The following KLHDC10 variants were observed in gnomAD, a reference collection of about 807,000 sequenced individuals.
The protein encoded by KLHDC10 is kelch domain containing 10, also known as kelch domain-containing protein 10.
A neutral mutation model predicts 56.1 loss-of-function variants in KLHDC10; 24 were observed. The observed-to-expected ratio is 0.43, with a 90% CI of 0.31 to 0.60. KLHDC10 has a LOEUF of 0.60. Among genes scored for constraint, KLHDC10 ranks in the 20% least tolerant of loss-of-function variants. KLHDC10 has a pLI of 0.11. For missense variants in KLHDC10, 349 were observed against 567.0 expected, an observed-to-expected ratio of 0.62 and a Z score of 3.91; for synonymous variants, 188 against 207.1, an observed-to-expected ratio of 0.91 and a Z score of 0.79.
chr7:130,084,501 C>T (rs542698117), intron 1 of KLHDC10, among the ~76,000 whole-genome samples: 5 of 152,122 alleles, frequency 3.3e-5, no homozygotes, highest in Non-Finnish European at 5.9e-5. Context: ...AGGCTAGATG[C>T]GGTGGTTGAC....
chr7:130,101,475 GT>G, intron 2 of KLHDC10, among the ~76,000 whole-genome samples: 1 of 152,268 alleles, frequency 6.6e-6, no homozygotes, highest in African/African-American at 2.4e-5. Flanking sequence ...AGATGGAGCA[GT>G]TTTGGGGGAA....
chr7:130,107,314 A>C (rs1488931219), intron 2 of KLHDC10, among the ~76,000 whole-genome samples: 1 of 152,224 alleles, frequency 6.6e-6, no homozygotes, highest in East Asian at 1.9e-4. Context: ...TAAAGTTGGC[A>C]TTAATAACAG....
intron 2 of KLHDC10, among the ~76,000 whole-genome samples, chr7:130,102,686 T>C (rs61578611): frequency 0.028 from 4,255 of 152,040 alleles, 225 homozygotes; most frequent in African/African-American, 0.097. Flanking sequence ...GTTAGCTGGG[T>C]ATGGTGGCAG....
Position 130,120,405 on chromosome 7 carries a change from T to C in KLHDC10, c.476-344T>C, listed in dbSNP as rs187031557. Among the ~76,000 whole-genome samples the C allele has an allele frequency of 4.2e-3, 634 of 152,318 alleles. 6 individuals carry two copies. The highest frequency in any genetic ancestry group is 4.1e-3 in the Non-Finnish European group (279 of 68,030). On this transcript the variant is annotated intron_variant, in intron 3 of 9. Coordinates refer to ENST00000335420, the MANE Select transcript of KLHDC10 (RefSeq NM_014997.4). This position sits in a 1 kb window ranked among gnomAD's most constrained non-coding sequence, Gnocchi z 5.1. ...TGTAGTATAGGCTATGTATCCCTTA[T>C]CTGAAATGCTTGGGACCAGAAGTGT...
chr7:130,127,344 T>G, intron 7 of KLHDC10, 60 bp from the exon 8 acceptor site: 3 of 1,322,746 alleles, frequency 2.3e-6, no homozygotes, highest in Non-Finnish European at 3.3e-6. Context: ...CTGTGTTATA[T>G]CAGTGTGGTT....
intron 7 of KLHDC10, among the ~76,000 whole-genome samples, chr7:130,127,086 A>G (rs1275509773): frequency 1.3e-5 from 2 of 152,238 alleles, no homozygotes; most frequent in African/African-American, 4.8e-5. Context: ...CCTGGGCAAC[A>G]CAGTGAGACC....
rs1426582169 is a variant in KLHDC10, at chr7:130,130,472, C to T, written c.1120-65C>T. 1.1e-5 allele frequency: 14 copies of T among 1,293,590 alleles called. No individual in the cohort carries two copies. The highest frequency in any genetic ancestry group is 2.0e-4 in the Middle Eastern group (1 of 5,092). 80.1% of individuals were successfully genotyped at this position (1,293,590 alleles called of 1,614,324 possible). ...GATTCCATCTACTATGCTTTTTCCC[C>T]ACTGAGTCTTCAGCCTTGTATGTTT... On this transcript the variant is annotated intron_variant, in intron 9 of 9. Coordinates refer to ENST00000335420, the MANE Select transcript of KLHDC10 (RefSeq NM_014997.4). The surrounding 1 kb of genome is among the most constrained non-coding windows in gnomAD (Gnocchi z 4.2).
At chr7:130,117,730 A>AC (rs1796185924) in intron 3 of KLHDC10, 2 of 151,462 alleles carry the variant, frequency 1.3e-5, no homozygotes, top group Admixed American at 6.7e-5. Context: ...GCACGACTGT[A>AC]TTCCCAGCTA....
chr7:130,123,471 GAAAAA>G (rs11332293), intron 5 of KLHDC10, among the ~76,000 whole-genome samples: 1 of 120,296 alleles, frequency 8.3e-6, no homozygotes, highest in East Asian at 2.2e-4. Context: ...CTCCGTCTCA[GAAAAA>G]AAAAAAAAAA....
At chr7:130,086,672 G>A (rs958041992) in intron 1 of KLHDC10, among the ~76,000 whole-genome samples, 2 of 152,042 alleles carry the variant, frequency 1.3e-5, no homozygotes, top group Non-Finnish European at 2.9e-5. Context: ...AGCACATTTA[G>A]ACTTATCTCA....
intron 5 of KLHDC10, among the ~76,000 whole-genome samples, chr7:130,124,027 CAA>C: frequency 6.6e-6 from 1 of 152,152 alleles, no homozygotes. Flanking sequence ...CCCCTTTATA[CAA>C]AGTTATCACA....
At chr7:130,091,510 A>C (rs1795772413) in intron 1 of KLHDC10, among the ~76,000 whole-genome samples, 1 of 152,184 alleles carries the variant, frequency 6.6e-6, no homozygotes, top group Non-Finnish European at 1.5e-5. Context: ...TGTTTGGAGG[A>C]ATTCACCAGT....
intron 2 of KLHDC10, among the ~76,000 whole-genome samples, chr7:130,114,569 T>C (rs997321623): frequency 6.6e-6 from 1 of 152,190 alleles, no homozygotes; most frequent in Non-Finnish European, 1.5e-5. Flanking sequence ...TTATTTTTTC[T>C]TCCACACCAC....
chr7:130,123,613 A>C (rs1376943907), intron 5 of KLHDC10, among the ~76,000 whole-genome samples: 1 of 152,238 alleles, frequency 6.6e-6, no homozygotes, highest in Non-Finnish European at 1.5e-5. Context: ...CTCTTTAAAC[A>C]AAATAGCATA....
chr7:130,118,793 A>C (rs991966151), intron 3 of KLHDC10, among the ~76,000 whole-genome samples: 1 of 152,172 alleles, frequency 6.6e-6, no homozygotes, highest in Non-Finnish European at 1.5e-5. Context: ...AGGCCTGAGG[A>C]GAGGGAAAAA....
chr7:130,076,088 C>A (rs1342427511), intron 1 of KLHDC10, among the ~76,000 whole-genome samples: 3 of 152,080 alleles, frequency 2.0e-5, no homozygotes, highest in Non-Finnish European at 4.4e-5. Context: ...TGAAACTGTT[C>A]CACCTCAGGT....
intron 1 of KLHDC10, among the ~76,000 whole-genome samples, chr7:130,088,429 C>T (rs927039308): frequency 6.6e-6 from 1 of 151,512 alleles, no homozygotes; most frequent in African/African-American, 2.4e-5. Flanking sequence ...CTCGCACCAC[C>T]ACGCCTGGCT....
intron 8 of KLHDC10, among the ~76,000 whole-genome samples, chr7:130,128,038 A>T (rs1453409923): frequency 6.6e-6 from 1 of 152,140 alleles, no homozygotes; most frequent in Admixed American, 6.5e-5. Flanking sequence ...TAGCTCTTAA[A>T]TTTTTTCTGG....
In KLHDC10 at chr7:130,124,526, C is replaced by G; in HGVS notation, c.855C>G (p.Ser285=). ...GTGGTACTTCCTGGACAGCATATTC[C>G]TTAAACAAGGTATATTTTTTTAAAA... ...LGGGTSWTAY[S]LNKIHAYNLE... Residue 285 remains serine (S), a synonymous_variant, in exon 6 of 10, where the codon TCC becomes TCG. Transcript: ENST00000335420. The G allele has an allele frequency of 6.4e-7, 1 of 1,556,522 alleles. No individual in the cohort carries two copies.
Sources: gnomAD v4.1 joint callset for allele counts (sites outside exome capture counted in the v4.1 genomes callset) on GRCh38, gnomAD v4.1.1 for gene constraint, Gnocchi (gnomAD v3.1) non-coding constraint, MANE v1.5 for transcripts, NCBI Gene and HGNC (gene_info 2026-07-23, HGNC 2026-07-21) for gene names.